Variants in TACC2 observed in about 807,000 individuals in gnomAD.
The protein encoded by TACC2 is transforming acidic coiled-coil containing protein 2.
TACC2 carries 137 observed loss-of-function variants against 227.3 expected under a neutral mutation model. The observed-to-expected ratio is 0.60, with a 90% CI of 0.52 to 0.69. The LOEUF (loss-of-function observed/expected upper bound fraction) is 0.69, where lower values mean the gene tolerates loss of function less well. Among genes scored for constraint, TACC2 ranks in the 30% least tolerant of loss-of-function variants. The pLI is 0.00. For synonymous variants in TACC2, 1,523 were observed against 1,487.5 expected (o/e 1.02, Z -0.55); for missense variants, 3,470 against 3,694.4 (o/e 0.94, Z 1.57).
At chr10:121,993,828 C>A (rs1953147275) in intron 1 of TACC2, among the ~76,000 whole-genome samples, 1 of 152,122 alleles carries the variant, frequency 6.6e-6, no homozygotes, top group African/African-American at 2.4e-5. Context: ...TCTACAAGGT[C>A]CCTCTGTGTT....
chr10:122,177,924 G>A lies in TACC2; in HGVS notation c.5835-17116G>A, dbSNP rs527382058. Among the ~76,000 whole-genome samples the A allele has an allele frequency of 2.6e-3, 389 of 152,248 alleles. 1 individual carries two copies. The highest frequency in any genetic ancestry group is 3.4e-3 in the Middle Eastern group (1 of 294). On this transcript the variant is annotated intron_variant, in intron 7 of 22. Coordinates refer to ENST00000369005, the MANE Select transcript of TACC2 (RefSeq NM_206862.4). The stretch of plus-strand genomic sequence containing the variant: ...AACCCTGGATTTACCCTGGGTTCAG[G>A]TGTCAGTAAGCAAGTCTGCCAAGAT...
chr10:122,013,940 T>G (rs1956245281), intron 1 of TACC2, among the ~76,000 whole-genome samples: 1 of 152,190 alleles, frequency 6.6e-6, no homozygotes. Flanking sequence ...GTCTTCAAGT[T>G]TCTTCCAGCA....
At chr10:122,027,285 C>A (rs1314978640) in intron 2 of TACC2, among the ~76,000 whole-genome samples, 2 of 152,112 alleles carry the variant, frequency 1.3e-5, no homozygotes, top group African/African-American at 4.8e-5. Flanking sequence ...AGGTCTTTGG[C>A]CCATTTTAAA....
chr10:122,165,121 G>C (rs905181301), intron 7 of TACC2, among the ~76,000 whole-genome samples: 1 of 152,186 alleles, frequency 6.6e-6, no homozygotes, highest in Non-Finnish European at 1.5e-5. Flanking sequence ...CCTGTAGCTT[G>C]AGAAAGCATC....
chr10:122,204,111 C>A (rs925694822), intron 8 of TACC2, among the ~76,000 whole-genome samples: 1 of 147,792 alleles, frequency 6.8e-6, no homozygotes, highest in Non-Finnish European at 1.5e-5. Context: ...GGCAGCAGTA[C>A]AGTCCAGCTT....
At chr10:122,190,545 T>A (rs184060274) in intron 7 of TACC2, among the ~76,000 whole-genome samples, 272 of 152,290 alleles carry the variant, frequency 1.8e-3, no homozygotes, top group Non-Finnish European at 3.0e-3. Flanking sequence ...TCCTGCTTGG[T>A]TGTACACACC....
At chr10:122,116,333 C>T (rs1052817353) in intron 5 of TACC2, among the ~76,000 whole-genome samples, 4 of 152,198 alleles carry the variant, frequency 2.6e-5, no homozygotes, top group African/African-American at 9.7e-5. Flanking sequence ...TTCAGTCTGT[C>T]ACTTTGCAAG....
chr10:122,006,878 T>A (rs1955226272), intron 1 of TACC2, among the ~76,000 whole-genome samples: 2 of 89,274 alleles, frequency 2.2e-5, no homozygotes, highest in Non-Finnish European at 5.0e-5. Flanking sequence ...TTTTTTTTTT[T>A]GAGATGGAAT....
rs538233090 is a variant in TACC2, at chr10:122,230,796, GT to G, written c.8127+366del. Among the ~76,000 whole-genome samples the G allele has an allele frequency of 4.3e-3, 648 of 148,980 alleles. 2 individuals carry two copies. Among genetic ancestry groups the G allele is most frequent in the African/African-American group, 0.015 (592 of 40,342 alleles). The stretch of plus-strand genomic sequence containing the variant: ...CAAAACAAAATCATGACCTTTGAGG[GT>G]TTTTTTTTTCTACAGATACCATTTG... On this transcript the variant is annotated intron_variant, in intron 16 of 22. Coordinates refer to ENST00000369005, the MANE Select transcript of TACC2 (RefSeq NM_206862.4).
In TACC2 at chr10:122,211,486, C is replaced by A; in HGVS notation, c.7061C>A (p.Ser2354Ter). The A allele has an allele frequency of 6.2e-7, 1 of 1,613,714 alleles. No homozygotes were observed. The highest frequency in any genetic ancestry group is 1.1e-5 in the South Asian group (1 of 90,992). Reference sequence around the variant, plus strand: ...AATTTTAACCCTTTTTCTTCCACCTCAAAAATGCAGGAGTCTCCCAAACTG... The same window carrying A: ...AATTTTAACCCTTTTTCTTCCACCTAAAAAATGCAGGAGTCTCCCAAACTG... ...DPNFNPFSSTSKMQESPKLPQ... is the reference protein window; with the variant it reads ...DPNFNPFSST The change falls in exon 9 of 23, where the codon TCA (serine) becomes TAA (stop). Residue 2354 changes from serine (S) to a stop codon, truncating the protein, a stop_gained. Transcript: ENST00000369005. LOFTEE classifies it high-confidence loss of function.
intron 7 of TACC2, among the ~76,000 whole-genome samples, chr10:122,159,655 C>T (rs2092701277): frequency 6.6e-6 from 1 of 152,182 alleles, no homozygotes; most frequent in South Asian, 2.1e-4. Flanking sequence ...AGAGAAGTCG[C>T]TGGGGTTTTG....
At chr10:122,098,064 G>A (rs894849861) in intron 5 of TACC2, among the ~76,000 whole-genome samples, 2 of 152,140 alleles carry the variant, frequency 1.3e-5, no homozygotes, top group African/African-American at 4.8e-5. Context: ...GTTGATGTGG[G>A]GCAGGTGAGT....
chr10:122,225,491 C>G (rs2095609743), intron 12 of TACC2, among the ~76,000 whole-genome samples: 1 of 152,234 alleles, frequency 6.6e-6, no homozygotes, highest in Admixed American at 6.5e-5. Flanking sequence ...TCAGTGAGAT[C>G]ACAGCTTCCT....
At chr10:122,192,501 A>C in intron 7 of TACC2, 1 of 354,848 alleles carries the variant, frequency 2.8e-6, no homozygotes, top group Non-Finnish European at 5.6e-6. Flanking sequence ...GCTTTCCTCG[A>C]ATCTCTGCTT....
chr10:122,212,336 T>A (rs565705936), intron 9 of TACC2, among the ~76,000 whole-genome samples: 1 of 152,272 alleles, frequency 6.6e-6, no homozygotes, highest in East Asian at 1.9e-4. Flanking sequence ...AAATGGAACC[T>A]GAAAGTGGGG....
intron 15 of TACC2, among the ~76,000 whole-genome samples, 177 bp downstream of exon 15, chr10:122,229,663 G>C (rs2095696863): frequency 1.3e-5 from 2 of 152,120 alleles, no homozygotes; most frequent in Admixed American, 1.3e-4. Context: ...CGATACCAAA[G>C]TGATGTAAAT....
intron 7 of TACC2, chr10:122,163,786 C>T: frequency 1.6e-6 from 2 of 1,233,032 alleles, no homozygotes; most frequent in East Asian, 3.3e-5. Context: ...CTCCCGCCGC[C>T]ACGGATGCCC....
chr10:122,200,681 T>C lies in TACC2; in HGVS notation c.5971+5505T>C, dbSNP rs140146299. ...ACAGTGAGAGGATGGCCACCTCACC[T>C]GCCCACAGTGGCCATGTTCACATGG... is the stretch of plus-strand genomic sequence containing the variant. On this transcript the variant is annotated intron_variant, in intron 8 of 22. Coordinates refer to ENST00000369005, the MANE Select transcript of TACC2 (RefSeq NM_206862.4). 7.9e-3 allele frequency among the ~76,000 whole-genome samples: 1,105 copies of C among 139,686 alleles called. 22 individuals carry two copies. Among genetic ancestry groups the C allele is most frequent in the African/African-American group, 0.031 (1,066 of 34,124 alleles). The allele number at this position is 139,686 out of a possible 152,430, so 91.6% of individuals were successfully genotyped here.
rs1171043621 is a variant in TACC2 at position 122,085,443 on chromosome 10, G to C, written c.2943G>C (p.Lys981Asn). 1 of 1,613,864 alleles carries C rather than the reference G, an allele frequency of 6.2e-7. No individual in the cohort carries two copies. The highest frequency in any genetic ancestry group is 1.1e-5 in the South Asian group (1 of 91,086). The change falls in exon 4 of 23, where the codon AAG becomes AAC. Residue 981 changes from lysine to asparagine, a missense_variant. By Grantham distance (94) the Lys-to-Asn change is moderately conservative (BLOSUM62 0). Transcript: ENST00000369005. ...CTCTTGCAGGGAACTTCAGCAGAAA[G>C]GAAACTTGCTGCACTGGGCAGGGGC... is the stretch of plus-strand genomic sequence containing the variant. The part of the protein sequence containing the change: ...DFSLAGNFSR[K>N]ETCCTGQGPN...
Sources: allele counts gnomAD v4.1 joint callset (sites outside exome capture counted in the v4.1 genomes callset), GRCh38; gene constraint gnomAD v4.1.1; transcripts MANE v1.5; gene names NCBI Gene and HGNC (gene_info 2026-07-23, HGNC 2026-07-21).